Variants in CMIP observed in about 807,000 individuals in gnomAD.
CMIP encodes C-Maf-inducing protein.
In CMIP, 13 loss-of-function variants were observed where a neutral mutation model predicts 97.3. The observed-to-expected ratio is 0.13, with a 90% CI of 0.09 to 0.21. The LOEUF (loss-of-function observed/expected upper bound fraction) is 0.21. CMIP is among the 10% of genes least tolerant of loss of function. The pLI is 1.00. For missense variants in CMIP, 847 were observed against 1,024.9 expected, an observed-to-expected ratio of 0.83 and a Z score of 2.37; for synonymous variants, 538 against 436.3, an observed-to-expected ratio of 1.23 and a Z score of -2.91.
rs1380053592 is a variant in CMIP at position 81,640,718 on chromosome 16, C to T, written c.478-11485C>T. Among the ~76,000 whole-genome samples, 11 of 131,982 alleles carry T rather than the reference C, an allele frequency of 8.3e-5. No homozygotes were observed. The East Asian group carries it at 2.5e-3, about 30-fold the overall frequency. 86.6% of individuals were successfully genotyped at this position (131,982 alleles called of 152,430 possible). ...TTGGCATCCAGGCTCTGCCTCCATA[C>T]GTGGAGGTCTCTCTGGAGCATGTGT... On this transcript the variant is annotated intron_variant, in intron 3 of 20. Coordinates refer to ENST00000537098, the MANE Select transcript of CMIP (RefSeq NM_198390.3).
Position 81,664,272 on chromosome 16 carries a change from T to G in CMIP, c.748T>G (p.Cys250Gly). Reference sequence around the variant, plus strand: ...CTGTACCCCACTCTGTCCCCAGCACTGCAGAGAGCGGCCCCGGTCCATGGT... The same window carrying G: ...CTGTACCCCACTCTGTCCCCAGCACGGCAGAGAGCGGCCCCGGTCCATGGT... ...PDLCEFFCKH[C>G]RERPRSMVVI... Residue 250 changes from cysteine to glycine, a missense_variant, in exon 7 of 21, where the codon TGC becomes GGC. Around this residue, in one of 4 missense-constraint regions of CMIP, gnomAD observed 285 missense variants for 392.2 expected, o/e 0.73. Coordinates refer to ENST00000537098, the MANE Select transcript of CMIP (RefSeq NM_198390.3). 8 of 1,599,770 alleles carry G rather than the reference T, an allele frequency of 5.0e-6. No individual in the cohort carries two copies. Among genetic ancestry groups the G allele is most frequent in the African/African-American group, 1.3e-5 (1 of 74,674 alleles).
intron 10 of CMIP, among the ~76,000 whole-genome samples, chr16:81,682,820 G>A (rs1450557420): frequency 6.6e-6 from 1 of 152,222 alleles, no homozygotes; most frequent in Non-Finnish European, 1.5e-5. Context: ...CTTTTGAAAA[G>A]TAACCTAAGT....
intron 1 of CMIP, among the ~76,000 whole-genome samples, chr16:81,553,507 A>T (rs2090700656): frequency 8.2e-6 from 1 of 121,522 alleles, no homozygotes; most frequent in African/African-American, 2.6e-5. Context: ...TATTCCAAAC[A>T]GAGCCCACTG....
chr16:81,532,878 G>T (rs992957461), intron 1 of CMIP, among the ~76,000 whole-genome samples: 10 of 152,164 alleles, frequency 6.6e-5, no homozygotes, highest in African/African-American at 1.9e-4. Flanking sequence ...GCAAGTGAAA[G>T]CCTCCCTCCC....
At chr16:81,451,975 T>A (rs544807857) in intron 1 of CMIP, among the ~76,000 whole-genome samples, 1 of 152,338 alleles carries the variant, frequency 6.6e-6, no homozygotes, top group African/African-American at 2.4e-5. Context: ...TTCGCTTACA[T>A]CAGCAGAGCC....
At chr16:81,709,216 T>C (rs1288640242) in intron 20 of CMIP, among the ~76,000 whole-genome samples, 1 of 152,162 alleles carries the variant, frequency 6.6e-6, no homozygotes, top group Non-Finnish European at 1.5e-5. Context: ...TTTCCTGGGA[T>C]CCACGTCACT....
chr16:81,633,429 G>C (rs1377736995), intron 3 of CMIP, among the ~76,000 whole-genome samples: 3 of 152,240 alleles, frequency 2.0e-5, no homozygotes, highest in African/African-American at 7.2e-5. Context: ...AAAGAGCAGT[G>C]CTTGTCCCCA....
chr16:81,626,816 T>TGGGGG (rs772134962), intron 3 of CMIP, among the ~76,000 whole-genome samples: 16 of 118,668 alleles, frequency 1.3e-4, no homozygotes, highest in African/African-American at 4.4e-4. Context: ...TGTGTGTGTG[T>TGGGGG]GGGGTGCATA....
chr16:81,657,169 C>T (rs1301872282), intron 4 of CMIP, among the ~76,000 whole-genome samples: 1 of 152,122 alleles, frequency 6.6e-6, no homozygotes, highest in Admixed American at 6.5e-5. Flanking sequence ...AAACAGGACC[C>T]CTAAAATTTC....
At chr16:81,644,003 GC>G (rs1349893792) in intron 3 of CMIP, among the ~76,000 whole-genome samples, 1 of 152,138 alleles carries the variant, frequency 6.6e-6, no homozygotes, top group Non-Finnish European at 1.5e-5. Flanking sequence ...CAAGCCTGGG[GC>G]AAGAAAGGAA....
Position 81,696,670 on chromosome 16 carries a change from A to G in CMIP, c.1638+3A>G. On this transcript the variant is annotated splice_donor_region_variant and intron_variant, in intron 14 of 20. Coordinates refer to ENST00000537098, the MANE Select transcript of CMIP (RefSeq NM_198390.3). ...ACGGGGAGCTGTTCGCCAGCATGGT[A>G]CGCAGTGGGACCCCAGTGGGGTGAC... The G allele has an allele frequency of 8.7e-6, 14 of 1,604,346 alleles. No homozygotes were observed. Among genetic ancestry groups the G allele is most frequent in the Non-Finnish European group, 1.1e-5 (13 of 1,179,482 alleles).
chr16:81,498,505 C>T (rs2089534959), intron 1 of CMIP, among the ~76,000 whole-genome samples: 3 of 152,196 alleles, frequency 2.0e-5, no homozygotes. Context: ...TGCTTTCTCA[C>T]GGGGGTTATC....
intron 1 of CMIP, among the ~76,000 whole-genome samples, chr16:81,580,468 C>G (rs554151793): frequency 3.3e-5 from 5 of 151,794 alleles, no homozygotes; most frequent in African/African-American, 1.2e-4. Context: ...GAGTCTCACT[C>G]TGTCACCCAG....
chr16:81,662,578 C>T (rs550832171), intron 6 of CMIP, among the ~76,000 whole-genome samples: 14 of 152,298 alleles, frequency 9.2e-5, no homozygotes, highest in Admixed American at 2.6e-4. Flanking sequence ...GCCTCCCGCG[C>T]TGCGTCCGCT....
intron 1 of CMIP, among the ~76,000 whole-genome samples, chr16:81,569,180 C>G (rs765263943): frequency 1.3e-5 from 2 of 152,212 alleles, no homozygotes; most frequent in African/African-American, 4.8e-5. Context: ...TTCTCTCTCC[C>G]CATCACCCTG....
intron 3 of CMIP, among the ~76,000 whole-genome samples, chr16:81,633,146 C>T (rs1005102852): frequency 2.0e-4 from 30 of 152,330 alleles, no homozygotes; most frequent in African/African-American, 6.5e-4. Context: ...TTCTTTTTCT[C>T]GCCCTTTAAA....
chr16:81,654,360 C>A (rs370905317), intron 4 of CMIP, among the ~76,000 whole-genome samples: 2 of 152,282 alleles, frequency 1.3e-5, no homozygotes, highest in East Asian at 3.9e-4. Context: ...GCATGAGCCA[C>A]CACACCTAGG....
intron 7 of CMIP, among the ~76,000 whole-genome samples, 171 bp from the exon 8 acceptor site, chr16:81,669,971 T>C (rs79684251): frequency 0.011 from 1,643 of 152,326 alleles, 29 homozygotes; most frequent in African/African-American, 0.038. Context: ...GTGCTATTCT[T>C]TGAAGTAGAC....
rs531433402 is a variant in CMIP at position 81,527,443 on chromosome 16, C to T, written c.301-80124C>T. ...TGTAAGGGTATTCATCCATTCTTTTCTTCTTCTTTCTTTTTATTGAAGTAT... is the reference window on the plus strand; with the variant it reads ...TGTAAGGGTATTCATCCATTCTTTTTTTCTTCTTTCTTTTTATTGAAGTAT... On this transcript the variant is annotated intron_variant, in intron 1 of 20. Coordinates refer to ENST00000537098, the MANE Select transcript of CMIP (RefSeq NM_198390.3). Among the ~76,000 whole-genome samples, 13 of 152,180 alleles carry T rather than the reference C, an allele frequency of 8.5e-5. 1 individual carries two copies. Among genetic ancestry groups the T allele is most frequent in the African/African-American group, 3.1e-4 (13 of 41,560 alleles).
Sources: gnomAD v4.1 joint callset for allele counts (sites outside exome capture counted in the v4.1 genomes callset) on GRCh38, gnomAD v4.1.1 for gene constraint, gnomAD v4.1.1 regional missense constraint, MANE v1.5 for transcripts, NCBI Gene and HGNC (gene_info 2026-07-23, HGNC 2026-07-21) for gene names.